Variants in CTNNBIP1 observed in about 807,000 individuals in gnomAD.
CTNNBIP1 encodes catenin beta interacting protein 1.
CTNNBIP1 carries 7 observed loss-of-function variants against 11.8 expected under a neutral mutation model. That is an observed-to-expected ratio of 0.60 (90% CI 0.34 to 1.12). The LOEUF (loss-of-function observed/expected upper bound fraction) is 1.12. Ranked by LOEUF, CTNNBIP1 falls within the 50% of genes most tolerant of loss-of-function variation. The pLI, the probability that CTNNBIP1 is intolerant of heterozygous loss-of-function variation, is 0.03. For synonymous variants in CTNNBIP1, 58 were observed against 43.9 expected (o/e 1.32, Z -1.26); for missense variants, 101 against 113.4 (o/e 0.89, Z 0.50).
chr1:9,873,128 C>T (rs1638899508), intron 3 of CTNNBIP1, among the ~76,000 whole-genome samples: 1 of 152,180 alleles, frequency 6.6e-6, no homozygotes, highest in African/African-American at 2.4e-5. Flanking sequence ...GGGCAGCAGC[C>T]TCCCTGTAGG....
At chr1:9,908,621 C>T (rs969457467) in intron 1 of CTNNBIP1, among the ~76,000 whole-genome samples, 2 of 152,208 alleles carry the variant, frequency 1.3e-5, no homozygotes, top group Non-Finnish European at 2.9e-5. Context: ...CTCGGCCTCC[C>T]AAAGTGCTGG....
chr1:9,902,261 G>A (rs1639536389), intron 1 of CTNNBIP1, among the ~76,000 whole-genome samples: 1 of 152,174 alleles, frequency 6.6e-6, no homozygotes, highest in South Asian at 2.1e-4. Flanking sequence ...GGCAGGAAGA[G>A]AACTCTGCAG....
intron 5 of CTNNBIP1, among the ~76,000 whole-genome samples, chr1:9,859,222 G>A (rs560542137): frequency 9.8e-5 from 15 of 152,290 alleles, no homozygotes; most frequent in Middle Eastern, 3.4e-3. Context: ...GGAAACCAGG[G>A]CCAGGACACT....
chr1:9,853,663 T>G (rs1638438764), intron 5 of CTNNBIP1, among the ~76,000 whole-genome samples: 1 of 152,198 alleles, frequency 6.6e-6, no homozygotes, highest in Non-Finnish European at 1.5e-5. Context: ...TGAAGCTCTG[T>G]CTCCCCCCTT....
intron 1 of CTNNBIP1, among the ~76,000 whole-genome samples, chr1:9,908,897 T>C (rs776991333): frequency 1.3e-5 from 2 of 152,128 alleles, no homozygotes; most frequent in Non-Finnish European, 2.9e-5. Flanking sequence ...CTCCATCCCA[T>C]AGAGGTGATT....
At chr1:9,880,755 A>G (rs1236599543) in intron 2 of CTNNBIP1, among the ~76,000 whole-genome samples, 2 of 152,218 alleles carry the variant, frequency 1.3e-5, no homozygotes, top group Non-Finnish European at 2.9e-5. Flanking sequence ...CCCAGGGCCC[A>G]TCCATGTAAG....
chr1:9,873,277 C>A (rs1570575353), intron 3 of CTNNBIP1, among the ~76,000 whole-genome samples: 1 of 152,170 alleles, frequency 6.6e-6, no homozygotes, highest in Non-Finnish European at 1.5e-5. Flanking sequence ...ACAGCCCAGA[C>A]TCTATTACTC....
At chr1:9,882,412 A>G (rs1171011035) in intron 2 of CTNNBIP1, among the ~76,000 whole-genome samples, 1 of 152,170 alleles carries the variant, frequency 6.6e-6, no homozygotes, top group African/African-American at 2.4e-5. Context: ...CATGAAGGTT[A>G]AGTTTGAGTC....
intron 1 of CTNNBIP1, among the ~76,000 whole-genome samples, chr1:9,902,812 C>T (rs1296006940): frequency 6.6e-6 from 1 of 151,628 alleles, no homozygotes; most frequent in African/African-American, 2.4e-5. Context: ...ATTGCCCAGG[C>T]TGGAGTGCAA....
chr1:9,868,476 G>T (rs1638793118), intron 5 of CTNNBIP1, among the ~76,000 whole-genome samples: 1 of 152,088 alleles, frequency 6.6e-6, no homozygotes, highest in Admixed American at 6.6e-5. Flanking sequence ...CTTAACTGTG[G>T]GTTCGGCTAG....
chr1:9,854,915 G>C (rs989752193), intron 5 of CTNNBIP1, among the ~76,000 whole-genome samples: 12 of 152,152 alleles, frequency 7.9e-5, no homozygotes, highest in African/African-American at 2.9e-4. Flanking sequence ...GAGCTCAAGT[G>C]ATCTGCCCAC....
intron 2 of CTNNBIP1, among the ~76,000 whole-genome samples, chr1:9,881,173 C>A (rs1305235703): frequency 6.6e-6 from 1 of 151,614 alleles, no homozygotes; most frequent in Non-Finnish European, 1.5e-5. Flanking sequence ...ATGGCTGAAC[C>A]ACAGGCATGC....
At chr1:9,874,185 T>G (rs558291765) in intron 3 of CTNNBIP1, among the ~76,000 whole-genome samples, 1 of 152,322 alleles carries the variant, frequency 6.6e-6, no homozygotes, top group South Asian at 2.1e-4. Context: ...GCTCTTTCCC[T>G]CTGGCAGCCT....
chr1:9,856,147 CA>C (rs202190670), intron 5 of CTNNBIP1, among the ~76,000 whole-genome samples: 18 of 145,020 alleles, frequency 1.2e-4, no homozygotes, highest in African/African-American at 1.5e-4. Flanking sequence ...GACTCTGTCT[CA>C]AAAAAAAAAT....
rs139953345 is a variant in CTNNBIP1 at position 9,886,546 on chromosome 1, C to T, written c.-143-2808G>A. Among the ~76,000 whole-genome samples, 308 of 152,320 alleles carry T rather than the reference C, an allele frequency of 2.0e-3. 3 individuals are homozygous for T. Among genetic ancestry groups the T allele is most frequent in the Middle Eastern group, 6.8e-3 (2 of 294 alleles). ...TCAGGTAAGTGAATCATTCAGTCTTCGCCACACACGTCCCTACAGGGCTTT... is the reference window on the plus strand; with the variant it reads ...TCAGGTAAGTGAATCATTCAGTCTTTGCCACACACGTCCCTACAGGGCTTT... On this transcript the variant is annotated intron_variant, in intron 1 of 5. Coordinates refer to ENST00000377263, the MANE Select transcript of CTNNBIP1 (RefSeq NM_020248.3).
In CTNNBIP1 at chr1:9,905,841, G is replaced by A. The variant is rs1415787823; in HGVS notation, c.-144+4254C>T. 2.6e-5 allele frequency among the ~76,000 whole-genome samples: 4 copies of A among 152,242 alleles called. No homozygotes were observed. In the South Asian group the frequency reaches 6.2e-4, roughly 24 times the overall value. On this transcript the variant is annotated intron_variant, in intron 1 of 5. Coordinates refer to ENST00000377263, the MANE Select transcript of CTNNBIP1 (RefSeq NM_020248.3). ...TCTTAAAGACCGTGTTCTTGGCTAC[G>A]TCCATAGCATCCGCAACAGTGCCTA...
At chr1:9,879,368 A>G (rs938523110) in intron 2 of CTNNBIP1, among the ~76,000 whole-genome samples, 1 of 152,180 alleles carries the variant, frequency 6.6e-6, no homozygotes, top group African/African-American at 2.4e-5. Flanking sequence ...ACTGTCTTCA[A>G]TGAATTCTGA....
intron 1 of CTNNBIP1, among the ~76,000 whole-genome samples, chr1:9,886,746 C>CG (rs897594118): frequency 6.6e-6 from 1 of 152,100 alleles, no homozygotes; most frequent in Non-Finnish European, 1.5e-5. Flanking sequence ...GCGAGGGGGA[C>CG]GGGGGGCAGA....
intron 1 of CTNNBIP1, among the ~76,000 whole-genome samples, chr1:9,902,072 G>A (rs1004250245): frequency 6.6e-6 from 1 of 152,128 alleles, no homozygotes; most frequent in Non-Finnish European, 1.5e-5. Context: ...TGAAGGCCTG[G>A]TGCTTGGGGA....
Sources: gnomAD v4.1 joint callset for allele counts (sites outside exome capture counted in the v4.1 genomes callset) on GRCh38, gnomAD v4.1.1 for gene constraint, MANE v1.5 for transcripts, NCBI Gene and HGNC (gene_info 2026-07-23, HGNC 2026-07-21) for gene names.